The following KCNB2 variants were observed in gnomAD, a reference collection of about 807,000 sequenced individuals.
KCNB2 encodes potassium voltage-gated channel subfamily B member 2.
In KCNB2, 15 loss-of-function variants were observed where a neutral mutation model predicts 61.5. The observed-to-expected ratio is 0.24, with a 90% CI of 0.16 to 0.38. KCNB2 has a LOEUF of 0.38. KCNB2 is among the 10% of genes least tolerant of loss of function. The pLI, the probability that KCNB2 is intolerant of heterozygous loss-of-function variation, is 1.00. For missense variants in KCNB2, 828 were observed against 1,125.2 expected (o/e 0.74, Z 3.78); for synonymous variants, 457 against 446.0 (o/e 1.02, Z -0.31).
chr8:72,693,171 G>C (rs986163155), intron 2 of KCNB2, among the ~76,000 whole-genome samples: 2 of 152,036 alleles, frequency 1.3e-5, no homozygotes, highest in Admixed American at 1.3e-4. Context: ...CGTTTGCTGC[G>C]GGCCAGTTTG....
chr8:72,832,091 A>T (rs1220790965), intron 2 of KCNB2, among the ~76,000 whole-genome samples: 1 of 152,248 alleles, frequency 6.6e-6, no homozygotes, highest in African/African-American at 2.4e-5. Flanking sequence ...TTTGAATCAG[A>T]AGAACTAACA....
At chr8:72,697,507 C>T (rs1159332518) in intron 2 of KCNB2, among the ~76,000 whole-genome samples, 1 of 152,088 alleles carries the variant, frequency 6.6e-6, no homozygotes, top group Non-Finnish European at 1.5e-5. Flanking sequence ...TGGCAGGTGC[C>T]TTTAGTACCA....
At chr8:72,790,504 G>T (rs1453688606) in intron 2 of KCNB2, among the ~76,000 whole-genome samples, 2 of 152,136 alleles carry the variant, frequency 1.3e-5, no homozygotes. Context: ...TCGTTAGAAT[G>T]TGGGGACAGA....
Position 72,938,130 on chromosome 8 carries a change from A to G in KCNB2, c.*39A>G. Reference sequence around the variant, plus strand: ...CAATAAATTGAAACAAAACAAAACAAAACAAAACTTGTTTCTTAAAAATGC... The same window carrying G: ...CAATAAATTGAAACAAAACAAAACAGAACAAAACTTGTTTCTTAAAAATGC... On this transcript the variant is annotated 3_prime_UTR_variant, in exon 3 of 3. Coordinates refer to ENST00000523207, the MANE Select transcript of KCNB2 (RefSeq NM_004770.3). The G allele has an allele frequency of 2.7e-6, 4 of 1,481,000 alleles. No homozygotes were observed. The highest frequency in any genetic ancestry group is 3.7e-6 in the Non-Finnish European group (4 of 1,092,492). The allele number at this position is 1,481,000 out of a possible 1,614,324, so 91.7% of individuals were successfully genotyped here.
At chr8:72,725,565 G>GTATATATATATA (rs111953660) in intron 2 of KCNB2, among the ~76,000 whole-genome samples, 1 of 47,978 alleles carries the variant, frequency 2.1e-5, no homozygotes, top group African/African-American at 6.7e-5. Context: ...ATGTATATAT[G>GTATATATATATA]TATATATATG....
intron 2 of KCNB2, among the ~76,000 whole-genome samples, chr8:72,903,203 T>C (rs1806116598): frequency 6.6e-6 from 1 of 152,006 alleles, no homozygotes; most frequent in South Asian, 2.1e-4. Context: ...GGACAAGTGG[T>C]TTATTTGAGA....
At chr8:72,853,831 A>T (rs1376237422) in intron 2 of KCNB2, among the ~76,000 whole-genome samples, 1 of 152,216 alleles carries the variant, frequency 6.6e-6, no homozygotes. Context: ...CTGCACCGTC[A>T]CGTGACTTGA....
intron 1 of KCNB2, among the ~76,000 whole-genome samples, chr8:72,554,869 G>A (rs1406216349): frequency 6.6e-6 from 1 of 152,068 alleles, no homozygotes; most frequent in African/African-American, 2.4e-5. Context: ...TAAGAGAATT[G>A]TAACGTGATA....
At chr8:72,794,158 T>C (rs1808987861) in intron 2 of KCNB2, among the ~76,000 whole-genome samples, 1 of 152,226 alleles carries the variant, frequency 6.6e-6, no homozygotes, top group South Asian at 2.1e-4. Context: ...TGGTTTGTCC[T>C]AGTTTGGAAC....
chr8:72,838,002 T>C (rs1302279735), intron 2 of KCNB2, among the ~76,000 whole-genome samples: 1 of 152,194 alleles, frequency 6.6e-6, no homozygotes, highest in Non-Finnish European at 1.5e-5. Context: ...TTATATTAAT[T>C]AGGTTTTGTG....
intron 2 of KCNB2, among the ~76,000 whole-genome samples, chr8:72,897,997 C>T (rs943981346): frequency 6.6e-6 from 1 of 152,120 alleles, no homozygotes; most frequent in East Asian, 1.9e-4. Flanking sequence ...TCTGATACCT[C>T]TAGCTTTTAA....
intron 2 of KCNB2, among the ~76,000 whole-genome samples, chr8:72,662,156 T>C (rs998531664): frequency 6.6e-6 from 1 of 152,138 alleles, no homozygotes; most frequent in African/African-American, 2.4e-5. Context: ...TAGCAATCCA[T>C]GGGCTCTGGG....
chr8:72,821,629 C>CAAAA (rs1563395050), intron 2 of KCNB2, among the ~76,000 whole-genome samples: 1 of 53,690 alleles, frequency 1.9e-5, no homozygotes, highest in African/African-American at 8.6e-5. Flanking sequence ...TACACACACA[C>CAAAA]ACAAAAAAAA....
chr8:72,761,626 T>C (rs961798532), intron 2 of KCNB2, among the ~76,000 whole-genome samples: 3 of 152,202 alleles, frequency 2.0e-5, no homozygotes, highest in African/African-American at 4.8e-5. Flanking sequence ...AATATGTCAA[T>C]TGGAATATGA....
intron 2 of KCNB2, among the ~76,000 whole-genome samples, chr8:72,659,385 C>G (rs1284838352): frequency 6.6e-6 from 1 of 152,148 alleles, no homozygotes; most frequent in Non-Finnish European, 1.5e-5. Context: ...TATGGATGAG[C>G]AAATAGTTTC....
intron 2 of KCNB2, among the ~76,000 whole-genome samples, chr8:72,786,677 C>T (rs770067139): frequency 6.6e-6 from 1 of 152,130 alleles, no homozygotes; most frequent in Non-Finnish European, 1.5e-5. Context: ...TCAGACAATT[C>T]GGTTAATCAT....
chr8:72,604,946 A>T (rs4738268), intron 2 of KCNB2, among the ~76,000 whole-genome samples: 26,089 of 152,174 alleles, frequency 0.17, 2,666 homozygotes, highest in East Asian at 0.51. Flanking sequence ...CCATGACTGC[A>T]TCTTGATGCC....
intron 2 of KCNB2, among the ~76,000 whole-genome samples, chr8:72,661,874 C>T (rs868252559): frequency 3.9e-5 from 6 of 152,180 alleles, no homozygotes; most frequent in African/African-American, 1.4e-4. Context: ...GACCTGGAGA[C>T]TTACAGTCTT....
At chr8:72,854,026 C>A (rs968372127) in intron 2 of KCNB2, among the ~76,000 whole-genome samples, 4 of 152,178 alleles carry the variant, frequency 2.6e-5, no homozygotes, top group Non-Finnish European at 4.4e-5. Flanking sequence ...AAATCTGAAA[C>A]ATTTCCCTCA....
Sources: allele counts gnomAD v4.1 joint callset (sites outside exome capture counted in the v4.1 genomes callset), GRCh38; gene constraint gnomAD v4.1.1; transcripts MANE v1.5; gene names NCBI Gene and HGNC (gene_info 2026-07-23, HGNC 2026-07-21).